The following PNPLA6 variants were observed in gnomAD, a reference collection of about 807,000 sequenced individuals.
The protein encoded by PNPLA6 is patatin-like phospholipase domain-containing protein 6.
A neutral mutation model predicts 153.7 loss-of-function variants in PNPLA6; 105 were observed. The ratio of observed to expected loss-of-function variants is 0.68; its 90% CI spans 0.58 to 0.80. PNPLA6 has a LOEUF of 0.80. PNPLA6 is among the 30% of genes least tolerant of loss of function. The pLI is 0.00. For synonymous variants in PNPLA6, 825 were observed against 822.2 expected (o/e 1.00, Z -0.06); for missense variants, 1,423 against 1,919.3 (o/e 0.74, Z 4.83).
intron 13 of PNPLA6, among the ~76,000 whole-genome samples, chr19:7,546,625 T>A (rs2146075633): frequency 6.6e-6 from 1 of 152,252 alleles, no homozygotes; most frequent in Middle Eastern, 3.4e-3. Context: ...GCCAGGATGG[T>A]CTTGAACTCC....
upstream of PNPLA6, chr19:7,535,428 TG>T: frequency 2.9e-6 from 3 of 1,040,942 alleles, no homozygotes; most frequent in Non-Finnish European, 2.9e-6. This position sits in a 1 kb window ranked among gnomAD's most constrained non-coding sequence, Gnocchi z 5.0. Context: ...GGGCTTGAGC[TG>T]GGGGCAGGGC....
In PNPLA6 at chr19:7,555,297, G is replaced by A. The variant is rs748411230; in HGVS notation, c.2866G>A (p.Asp956Asn). ...CTCCAGGCGCGCGGACCGGCACAGC[G>A]ACTTCTCCCGCTTGGCGAGGGTGCT... ...VFSRRADRHS[D>N]FSRLARVLTG... The change falls in exon 23 of 32, where the codon GAC (aspartate) becomes AAC (asparagine). Residue 956 changes from aspartate to asparagine, a missense_variant. By Grantham distance (23) the Asp-to-Asn change is conservative. Coordinates refer to ENST00000600737, the MANE Select transcript of PNPLA6 (RefSeq NM_001166114.2). This position sits in a 1 kb window ranked among gnomAD's most constrained non-coding sequence, Gnocchi z 6.3. The A allele has an allele frequency of 1.3e-6, 2 of 1,590,250 alleles. No homozygotes were observed. Among genetic ancestry groups the A allele is most frequent in the Admixed American group, 1.8e-5 (1 of 56,340 alleles).
At position 7,541,887 on chromosome 19, in the gene PNPLA6, A is replaced by G. The variant is rs2023162043; in HGVS notation, c.1169-97A>G. On this transcript the variant is annotated intron_variant, in intron 9 of 31. Coordinates refer to ENST00000600737, the MANE Select transcript of PNPLA6 (RefSeq NM_001166114.2). This position sits in a 1 kb window ranked among gnomAD's most constrained non-coding sequence, Gnocchi z 5.2. ...CCCAAGGGCCCATTGGAATTGCTTT[A>G]ACTAGTTAATCAGTCGCCAGCATCT... 1 of 1,209,446 alleles carries G rather than the reference A, an allele frequency of 8.3e-7. No individual in the cohort carries two copies. Among genetic ancestry groups the G allele is most frequent in the Admixed American group, 1.7e-5 (1 of 58,864 alleles). The allele number at this position is 1,209,446 out of a possible 1,614,324, so 74.9% of individuals were successfully genotyped here.
chr19:7,555,628 A>G lies in PNPLA6; in HGVS notation c.2958A>G (p.Val986=), dbSNP rs752794292. ...GGARGCSHIG[V]LKALEEAGVP... ...GCAGGGGCTGCTCGCACATCGGAGT[A>G]CTAAAGGCATTAGAGGAGGCGGGGG... Residue 986 remains valine, a synonymous_variant, in exon 24 of 32, where the codon GTA becomes GTG. Transcript: ENST00000600737. The surrounding 1 kb of genome is among the most constrained non-coding windows in gnomAD (Gnocchi z 6.3). 2.5e-6 allele frequency: 4 copies of G among 1,612,402 alleles called. No individual in the cohort carries two copies. The highest frequency in any genetic ancestry group is 3.4e-6 in the Non-Finnish European group (4 of 1,179,830).
chr19:7,555,442 G>T lies in PNPLA6; in HGVS notation c.2936+75G>T. On this transcript the variant is annotated intron_variant, in intron 23 of 31. Coordinates refer to ENST00000600737, the MANE Select transcript of PNPLA6 (RefSeq NM_001166114.2). The surrounding 1 kb of genome is among the most constrained non-coding windows in gnomAD (Gnocchi z 6.3). ...GGAGCTTCCTGGGAGAAACCGTGGG[G>T]GCGGGGCCTGGGTGTTCGAGGGTGG... 7.4e-7 allele frequency: 1 copy of T among 1,349,356 alleles called. No individual in the cohort carries two copies. 83.6% of individuals were successfully genotyped at this position (1,349,356 alleles called of 1,614,324 possible).
rs780967290 is a variant in PNPLA6 at position 7,554,965 on chromosome 19, G to A, written c.2707G>A (p.Ala903Thr). Residue 903 changes from alanine to threonine, a missense_variant, in exon 22 of 32, where the codon GCG becomes ACG. Around this residue, in one of 10 missense-constraint regions of PNPLA6, gnomAD observed 643 missense variants for 835.2 expected, o/e 0.77. Coordinates refer to ENST00000600737, the MANE Select transcript of PNPLA6 (RefSeq NM_001166114.2). Reference sequence around the variant, plus strand: ...AGTCCTGCTCCACCGAGAGGAGGGCGCGGGCCCCACGCGCACCGTGGAGTG... The same window carrying A: ...AGTCCTGCTCCACCGAGAGGAGGGCACGGGCCCCACGCGCACCGTGGAGTG... Reference protein sequence around the residue: ...QLVLLHREEGAGPTRTVEWLN... With the variant: ...QLVLLHREEGTGPTRTVEWLN... The A allele has an allele frequency of 3.1e-6, 5 of 1,590,582 alleles. No individual in the cohort carries two copies. Among genetic ancestry groups the A allele is most frequent in the Non-Finnish European group, 4.3e-6 (5 of 1,175,560 alleles).
At chr19:7,539,254 G>T (rs146424467) in intron 3 of PNPLA6, among the ~76,000 whole-genome samples, 1 of 152,192 alleles carries the variant, frequency 6.6e-6, no homozygotes, top group East Asian at 1.9e-4. Context: ...GAGGCGGGAG[G>T]ATCACTTGAG....
At position 7,556,543 on chromosome 19, in the gene PNPLA6, C is replaced by A. The variant is rs375118832; in HGVS notation, c.3184C>A (p.Arg1062=). ...TGSAFNRSIH[R]VFQDKQIEDL... is the part of the protein sequence containing the mutation. Reference sequence around the variant, plus strand: ...GTCTGCCTTTAACCGCAGCATCCATCGGGTCTTCCAGGATAAGCAGATTGA... The same window carrying A: ...GTCTGCCTTTAACCGCAGCATCCATAGGGTCTTCCAGGATAAGCAGATTGA... The change falls in exon 25 of 32, where the codon CGG becomes AGG. Residue 1062 remains arginine, a synonymous_variant. Transcript: ENST00000600737. The A allele has an allele frequency of 6.2e-7, 1 of 1,613,158 alleles. No homozygotes were observed. The highest frequency in any genetic ancestry group is 1.1e-5 in the South Asian group (1 of 91,066).
At chr19:7,548,162 T>A (rs1344101821) in intron 13 of PNPLA6, among the ~76,000 whole-genome samples, 1 of 151,668 alleles carries the variant, frequency 6.6e-6, no homozygotes, top group African/African-American at 2.4e-5. Context: ...CTGGCCAACA[T>A]GGTGAAACCC....
Position 7,554,888 on chromosome 19 carries a change from C to A in PNPLA6, c.2635-5C>A. On this transcript the variant is annotated splice_polypyrimidine_tract_variant and splice_region_variant and intron_variant, in intron 21 of 31. Coordinates refer to ENST00000600737, the MANE Select transcript of PNPLA6 (RefSeq NM_001166114.2). The stretch of plus-strand genomic sequence containing the variant: ...CTGGTGACCTCAGCCGTCCGTATTC[C>A]GCAGCTGGAGCAGATGCTGGAGAAC... 6.3e-7 allele frequency: 1 copy of A among 1,582,266 alleles called. No homozygotes were observed. The highest frequency in any genetic ancestry group is 2.3e-5 in the East Asian group (1 of 44,052).
chr19:7,560,979 C>G (rs1384870631), intron 29 of PNPLA6, 35 bp from the exon 30 acceptor site: 2 of 1,380,510 alleles, frequency 1.4e-6, no homozygotes, highest in Non-Finnish European at 2.0e-6. Context: ...ACTCTGTGGG[C>G]CCCCCCTAAG....
At position 7,555,764 on chromosome 19, in the gene PNPLA6, G is replaced by T. The variant is rs764089297; in HGVS notation, c.3093+1G>T. On this transcript the variant is annotated splice_donor_variant, in intron 24 of 31. Coordinates refer to ENST00000600737, the MANE Select transcript of PNPLA6 (RefSeq NM_001166114.2). LOFTEE classifies it high-confidence loss of function. The surrounding 1 kb of genome is among the most constrained non-coding windows in gnomAD (Gnocchi z 6.3). ...GCAGCGGGCCCGGGAGTGGGCCAAG[G>T]TGTGTGTTGCGAGGAGGGATTGCTG... The T allele has an allele frequency of 6.2e-7, 1 of 1,613,316 alleles. No individual in the cohort carries two copies.
At position 7,548,293 on chromosome 19, in the gene PNPLA6, G is replaced by A. The variant is rs766262670; in HGVS notation, c.1609-1614G>A. On this transcript the variant is annotated intron_variant, in intron 13 of 31. Coordinates refer to ENST00000600737, the MANE Select transcript of PNPLA6 (RefSeq NM_001166114.2). ...CTGGAGGCAGAGGTTGCAGTGAGCC[G>A]AGTTTGTATCACTGCACTCCAGCCT... 2.0e-5 allele frequency among the ~76,000 whole-genome samples: 3 copies of A among 151,706 alleles called. No homozygotes were observed. In the East Asian group the frequency reaches 5.9e-4, roughly 30 times the overall value.
intron 13 of PNPLA6, among the ~76,000 whole-genome samples, chr19:7,548,704 CATATAT>C (rs57331367): frequency 6.7e-6 from 1 of 149,910 alleles, no homozygotes; most frequent in East Asian, 2.0e-4. Context: ...GTATATGGAA[CATATAT>C]ATATATATAC....
At position 7,542,733 on chromosome 19, in the gene PNPLA6, C is replaced by T. The variant is rs773106943; in HGVS notation, c.1363-28C>T. The T allele has an allele frequency of 9.9e-6, 16 of 1,612,786 alleles. No individual in the cohort carries two copies. The African/African-American group carries it at 1.5e-4, about 15-fold the overall frequency. The stretch of plus-strand genomic sequence containing the variant: ...GGGGAAGGTGGCTGGGAGGGAGCAT[C>T]AGGAGGTCACAAGCCTGCCCCACTC... On this transcript the variant is annotated intron_variant, in intron 11 of 31. Coordinates refer to ENST00000600737, the MANE Select transcript of PNPLA6 (RefSeq NM_001166114.2).
At chr19:7,546,054 G>A (rs1489553852) in intron 13 of PNPLA6, among the ~76,000 whole-genome samples, 1 of 152,064 alleles carries the variant, frequency 6.6e-6, no homozygotes, top group Non-Finnish European at 1.5e-5. Context: ...CAAAGGAAAT[G>A]ATCTTGGCAC....
Position 7,540,964 on chromosome 19 carries a change from C to G in PNPLA6, c.837C>G (p.Ala279=), listed in dbSNP as rs2023108339. ...HPQRTVSARA[A]RDSTVLRLPV... is the part of the protein sequence containing the mutation. ...AGCGGACCGTGTCTGCCCGGGCGGCCCGGGACTCCACGGTGCTGCGCCTGC... is the reference window on the plus strand; with the variant it reads ...AGCGGACCGTGTCTGCCCGGGCGGCGCGGGACTCCACGGTGCTGCGCCTGC... Residue 279 remains alanine (A), a synonymous_variant, in exon 7 of 32, where the codon GCC becomes GCG. Transcript: ENST00000600737. This position sits in a 1 kb window ranked among gnomAD's most constrained non-coding sequence, Gnocchi z 6.8. The G allele has an allele frequency of 6.2e-7, 1 of 1,611,980 alleles. No individual in the cohort carries two copies.
Position 7,555,841 on chromosome 19 carries a change from G to A in PNPLA6, c.3093+78G>A. On this transcript the variant is annotated intron_variant, in intron 24 of 31. Transcript: ENST00000600737. This position sits in a 1 kb window ranked among gnomAD's most constrained non-coding sequence, Gnocchi z 6.3. ...GGTTCCAACCTAACCTGATCCCATGGGGGAGCCTCCGGGGTCAGGGTGACC... is the reference window on the plus strand; with the variant it reads ...GGTTCCAACCTAACCTGATCCCATGAGGGAGCCTCCGGGGTCAGGGTGACC... 1 of 1,500,018 alleles carries A rather than the reference G, an allele frequency of 6.7e-7. No individual in the cohort carries two copies. Among genetic ancestry groups the A allele is most frequent in the Non-Finnish European group, 9.2e-7 (1 of 1,087,628 alleles). 92.9% of individuals were successfully genotyped at this position (1,500,018 alleles called of 1,614,324 possible). A position where few individuals can be genotyped will look rare whatever the true frequency, so the allele number is the denominator to read the frequency against.
At chr19:7,547,898 A>AGC (rs2023459147) in intron 13 of PNPLA6, among the ~76,000 whole-genome samples, 1 of 143,536 alleles carries the variant, frequency 7.0e-6, no homozygotes, top group African/African-American at 2.7e-5. Flanking sequence ...CCTGGGCTCA[A>AGC]GCGATCTTCA....
Sources: gnomAD v4.1 joint callset for allele counts (sites outside exome capture counted in the v4.1 genomes callset) on GRCh38, gnomAD v4.1.1 for gene constraint, gnomAD v4.1.1 regional missense constraint, Gnocchi (gnomAD v3.1) non-coding constraint, MANE v1.5 for transcripts, NCBI Gene and HGNC (gene_info 2026-07-23, HGNC 2026-07-21) for gene names.